Variants in DNAAF5 observed in about 807,000 individuals in gnomAD.
DNAAF5 encodes HEAT repeat containing 2.
A neutral mutation model predicts 75.8 loss-of-function variants in DNAAF5; 64 were observed. That is an observed-to-expected ratio of 0.84 (90% confidence interval 0.69 to 1.04). The LOEUF (loss-of-function observed/expected upper bound fraction) is 1.04. Ranked by LOEUF, DNAAF5 falls within the 50% of genes least tolerant of loss-of-function variation. The pLI is 0.00. For missense variants in DNAAF5, 1,269 were observed against 1,178.5 expected (o/e 1.08, Z -1.12); for synonymous variants, 657 against 557.2 (o/e 1.18, Z -2.52).
chr7:739,733 A>T (rs986886913), intron 2 of DNAAF5, among the ~76,000 whole-genome samples: 2 of 152,106 alleles, frequency 1.3e-5, no homozygotes, highest in African/African-American at 4.8e-5. Flanking sequence ...CCAGGTGGCA[A>T]TGAACTTCGG....
intron 2 of DNAAF5, among the ~76,000 whole-genome samples, chr7:731,031 G>A (rs894672499): frequency 2.0e-5 from 3 of 152,180 alleles, no homozygotes; most frequent in East Asian, 1.9e-4. Context: ...TTTGGGCTGC[G>A]GAGGGCAGTT....
intron 8 of DNAAF5, among the ~76,000 whole-genome samples, chr7:767,417 G>A (rs1307928728): frequency 1.3e-5 from 2 of 152,166 alleles, no homozygotes; most frequent in African/African-American, 2.4e-5. Context: ...TCACATTCAT[G>A]AGAATCTATC....
At chr7:732,481 T>A (rs1019460527) in intron 2 of DNAAF5, 12 of 451,788 alleles carry the variant, frequency 2.7e-5, no homozygotes, top group Admixed American at 1.2e-4. Context: ...TCCTGCTCGA[T>A]GTGTGCTGCT....
At chr7:729,526 C>G in intron 1 of DNAAF5, 137 bp from the exon 2 acceptor site, 1 of 762,798 alleles carries the variant, frequency 1.3e-6, no homozygotes. Context: ...GTGTACTGTT[C>G]ATGCAGCAAG....
intron 12 of DNAAF5, among the ~76,000 whole-genome samples, chr7:782,512 G>A (rs1778998088): frequency 7.0e-6 from 1 of 143,036 alleles, no homozygotes. Flanking sequence ...GTCCCGTCAC[G>A]CGGCGTCAGA....
At position 765,838 on chromosome 7, in the gene DNAAF5, T is replaced by C. The variant is rs73258258; in HGVS notation, c.1783+1864T>C. ...GCCTTAGCCTCCTGAGTAGATGGGA[T>C]TGTAGGCATACGCCACCTGGCTACT... is the stretch of plus-strand genomic sequence containing the variant. On this transcript the variant is annotated intron_variant, in intron 8 of 12. Transcript: ENST00000297440. Among the ~76,000 whole-genome samples, 692 of 152,228 alleles carry C rather than the reference T, an allele frequency of 4.5e-3. 7 individuals are homozygous for C. Among genetic ancestry groups the C allele is most frequent in the African/African-American group, 0.016 (658 of 41,542 alleles).
At position 754,566 on chromosome 7, in the gene DNAAF5, C is replaced by A; in HGVS notation, c.1025-23C>A. On this transcript the variant is annotated intron_variant, in intron 4 of 12. Coordinates refer to ENST00000297440, the MANE Select transcript of DNAAF5 (RefSeq NM_017802.4). This position sits in a 1 kb window ranked among gnomAD's most constrained non-coding sequence, Gnocchi z 4.8. The stretch of plus-strand genomic sequence containing the variant: ...AGGTTTTGCTTGTGAATTTCTCATT[C>A]TTCTTTCCCTTTTTCGTTCCAGAGC... The A allele has an allele frequency of 1.3e-6, 2 of 1,595,794 alleles. No individual in the cohort carries two copies. Among genetic ancestry groups the A allele is most frequent in the South Asian group, 1.1e-5 (1 of 90,522 alleles).
chr7:759,170 A>G (rs551398584), intron 6 of DNAAF5, among the ~76,000 whole-genome samples: 1 of 152,262 alleles, frequency 6.6e-6, no homozygotes, highest in South Asian at 2.1e-4. Context: ...TCCAGTAGCT[A>G]TGAGAACAGG....
intron 8 of DNAAF5, among the ~76,000 whole-genome samples, chr7:767,480 C>T (rs1166081972): frequency 1.3e-5 from 2 of 152,182 alleles, no homozygotes; most frequent in African/African-American, 2.4e-5. Context: ...TGCATCGGGG[C>T]ATAATTTAAT....
chr7:728,529 G>A (rs1781445799), intron 1 of DNAAF5, among the ~76,000 whole-genome samples: 1 of 152,220 alleles, frequency 6.6e-6, no homozygotes, highest in East Asian at 1.9e-4. Context: ...ATTTCACATG[G>A]TCCAGAACTC....
At chr7:778,606 T>G (rs2128086087) in intron 11 of DNAAF5, 1 of 152,412 alleles carries the variant, frequency 6.6e-6, no homozygotes, top group Middle Eastern at 3.4e-3. Context: ...TCTGTGTACT[T>G]CCATAGTCGA....
intron 2 of DNAAF5, among the ~76,000 whole-genome samples, chr7:730,178 C>T (rs1781521449): frequency 6.6e-6 from 1 of 152,166 alleles, no homozygotes; most frequent in African/African-American, 2.4e-5. Flanking sequence ...GAAAAGCCAC[C>T]ATGGTTGGTG....
At chr7:739,574 G>GT (rs1271141302) in intron 2 of DNAAF5, among the ~76,000 whole-genome samples, 3 of 152,198 alleles carry the variant, frequency 2.0e-5, no homozygotes, top group Admixed American at 6.5e-5. Context: ...GTCCCCTCGC[G>GT]TGCTTCCCTG....
chr7:768,914 C>G (rs1778453240), intron 8 of DNAAF5: 3 of 537,908 alleles, frequency 5.6e-6, no homozygotes, highest in Non-Finnish European at 6.7e-6. Flanking sequence ...CAGCGTGGTT[C>G]TCGTGGCAGG....
chr7:726,958 CGCTTGCT>C lies in DNAAF5; in HGVS notation c.241_247del (p.Leu81AlafsTer3). Reference sequence around the variant, plus strand: ...CCCCTGGGCGCGCCTACTGCTGCCGCGCTTGCTGCGCTGCCTGAGCGACCCCGCCGAG... The same window carrying C: ...CCCCTGGGCGCGCCTACTGCTGCCGCGCGCTGCCTGAGCGACCCCGCCGAG... On this transcript the variant is annotated frameshift_variant, in exon 1 of 13. Coordinates refer to ENST00000297440, the MANE Select transcript of DNAAF5 (RefSeq NM_017802.4). LOFTEE classifies it high-confidence loss of function. The C allele has an allele frequency of 7.6e-7, 1 of 1,323,454 alleles. No homozygotes were observed. The highest frequency in any genetic ancestry group is 9.7e-7 in the Non-Finnish European group (1 of 1,032,086). 82.0% of individuals were successfully genotyped at this position (1,323,454 alleles called of 1,614,324 possible).
chr7:738,086 A>C (rs938592057), intron 2 of DNAAF5, among the ~76,000 whole-genome samples: 2 of 152,106 alleles, frequency 1.3e-5, no homozygotes, highest in Non-Finnish European at 2.9e-5. Flanking sequence ...GATGCTGTAC[A>C]TGTGCTTCAT....
In DNAAF5 at chr7:785,698, C is replaced by G; in HGVS notation, c.*45C>G. 2 of 1,599,360 alleles carry G rather than the reference C, an allele frequency of 1.3e-6. No homozygotes were observed. Among genetic ancestry groups the G allele is most frequent in the Non-Finnish European group, 1.7e-6 (2 of 1,172,324 alleles). On this transcript the variant is annotated 3_prime_UTR_variant, in exon 13 of 13. Coordinates refer to ENST00000297440, the MANE Select transcript of DNAAF5 (RefSeq NM_017802.4). ...GGCACACCCTTGTCCCCACCTGAGC[C>G]AGAGTTTGTGGCCTTTAAATCTCAT...
chr7:774,553 CTTT>C (rs796336927), intron 10 of DNAAF5, among the ~76,000 whole-genome samples: 55,405 of 151,970 alleles, frequency 0.36, 10,350 homozygotes, highest in Admixed American at 0.4. Flanking sequence ...CGGGCCTGGG[CTTT>C]CCGCATCGTT....
intron 11 of DNAAF5, among the ~76,000 whole-genome samples, chr7:777,934 G>C (rs1242614886): frequency 1.3e-5 from 2 of 152,306 alleles, no homozygotes; most frequent in East Asian, 1.9e-4. Flanking sequence ...GGGCCGAGAG[G>C]CTCCCGGGCT....
Sources: gnomAD v4.1 joint callset for allele counts (sites outside exome capture counted in the v4.1 genomes callset) on GRCh38, gnomAD v4.1.1 for gene constraint, Gnocchi (gnomAD v3.1) non-coding constraint, MANE v1.5 for transcripts, NCBI Gene and HGNC (gene_info 2026-07-23, HGNC 2026-07-21) for gene names.